Variants in DNAH14 observed in about 807,000 individuals in gnomAD.
DNAH14 encodes the protein axonemal beta dynein heavy chain 14.
In DNAH14, 478 loss-of-function variants were observed where a neutral mutation model predicts 520.9. The observed-to-expected ratio is 0.92, with a 90% CI of 0.85 to 0.99. DNAH14 has a LOEUF of 0.99. DNAH14 is among the 50% of genes least tolerant of loss of function. The pLI is 0.00. For synonymous variants in DNAH14, 1,581 were observed against 1,757.2 expected (o/e 0.90, Z 2.51); for missense variants, 4,831 against 5,234.5 (o/e 0.92, Z 2.38).
At chr1:225,198,901 G>A (rs139153357) in intron 38 of DNAH14, among the ~76,000 whole-genome samples, 343 of 152,200 alleles carry the variant, frequency 2.3e-3, no homozygotes, top group Non-Finnish European at 3.9e-3. Flanking sequence ...GTGGAATAGG[G>A]TAATAAGATA....
At chr1:225,218,475 A>G (rs530435936) in intron 41 of DNAH14, among the ~76,000 whole-genome samples, 1 of 149,294 alleles carries the variant, frequency 6.7e-6, no homozygotes, top group South Asian at 2.2e-4. Context: ...TACCAAGCAA[A>G]TGGAAACCAA....
In DNAH14 at chr1:225,354,198, G is replaced by A. The variant is rs550562533; in HGVS notation, c.11619+310G>A. The A allele has an allele frequency of 5.1e-4, 357 of 701,760 alleles. 1 individual carries two copies. The highest frequency in any genetic ancestry group is 4.6e-3 in the South Asian group (314 of 67,572). 43.5% of individuals were successfully genotyped at this position (701,760 alleles called of 1,614,324 possible). Reference sequence around the variant, plus strand: ...GAACATACTTTCTGCCTGCTTCTCCGTGCCATAAACCATACAGGAACAGAC... The same window carrying A: ...GAACATACTTTCTGCCTGCTTCTCCATGCCATAAACCATACAGGAACAGAC... On this transcript the variant is annotated intron_variant, in intron 73 of 85. Transcript: ENST00000682510.
rs777000620 is a variant in DNAH14, at chr1:225,351,700, TG to T, written c.11352del (p.Trp3784Ter). ...QHLQWLSDSR[W>X]RQCQYVSTHL... ...TCTTCAGTGGCTGTCAGATTCCAGG[TG>T]GAGGCAGTGCCAATATGTCAGCACT... On this transcript the variant is annotated frameshift_variant, in exon 72 of 86. Coordinates refer to ENST00000682510, the MANE Select transcript of DNAH14 (RefSeq NM_001367479.1). LOFTEE classifies it high-confidence loss of function. 96 of 1,550,282 alleles carry T rather than the reference TG, an allele frequency of 6.2e-5. No homozygotes were observed. The highest frequency in any genetic ancestry group is 8.1e-5 in the Non-Finnish European group (93 of 1,145,972).
chr1:225,171,442 C>T (rs1221017991), intron 36 of DNAH14, among the ~76,000 whole-genome samples: 2 of 152,116 alleles, frequency 1.3e-5, no homozygotes, highest in Non-Finnish European at 2.9e-5. Context: ...GGGGATATCA[C>T]CACCGATCCC....
chr1:225,159,945 A>G (rs1172541560), intron 35 of DNAH14, among the ~76,000 whole-genome samples: 1 of 152,128 alleles, frequency 6.6e-6, no homozygotes, highest in Non-Finnish European at 1.5e-5. Flanking sequence ...TCTAGGTAAG[A>G]ACTCAATGTC....
Position 225,318,617 on chromosome 1 carries a change from C to T in DNAH14, c.9275C>T (p.Ala3092Val), listed in dbSNP as rs1386501452. The change falls in exon 61 of 86, where the codon GCC becomes GTC. Residue 3092 changes from alanine to valine, a missense_variant. Transcript: ENST00000682510. ...TANELKSVLPAFDKAIVALNA... is the reference protein window; with the variant it reads ...TANELKSVLPVFDKAIVALNA... ...AATGAACTAAAAAGTGTGCTGCCAGCCTTTGACAAGGCAATTGTGGCTCTG... is the reference window on the plus strand; with the variant it reads ...AATGAACTAAAAAGTGTGCTGCCAGTCTTTGACAAGGCAATTGTGGCTCTG... 6.5e-7 allele frequency: 1 copy of T among 1,548,466 alleles called. No homozygotes were observed. The highest frequency in any genetic ancestry group is 2.0e-5 in the Admixed American group (1 of 50,504).
At chr1:225,251,316 G>A (rs1452573554) in intron 43 of DNAH14, among the ~76,000 whole-genome samples, 3 of 152,008 alleles carry the variant, frequency 2.0e-5, no homozygotes, top group Non-Finnish European at 4.4e-5. Context: ...TGGAATTACA[G>A]GCACCTGTCA....
chr1:224,944,066 T>C (rs1424767161), intron 1 of DNAH14, among the ~76,000 whole-genome samples: 14 of 152,100 alleles, frequency 9.2e-5, no homozygotes, highest in Admixed American at 4.6e-4. Flanking sequence ...CTTTCTGTCT[T>C]GTTGATGTGT....
chr1:225,251,260 G>A (rs534044564), intron 43 of DNAH14, among the ~76,000 whole-genome samples: 7 of 151,058 alleles, frequency 4.6e-5, no homozygotes, highest in Non-Finnish European at 5.9e-5. Context: ...TGCAGCCTCC[G>A]CCTCCCAGGT....
At chr1:225,257,920 T>C (rs2092798866) in intron 44 of DNAH14, 40 bp from the exon 45 acceptor site, 1 of 1,463,974 alleles carries the variant, frequency 6.8e-7, no homozygotes. Context: ...GAATAGTACT[T>C]TCTAGGTCAT....
chr1:225,389,369 C>A (rs1031500891), intron 82 of DNAH14, among the ~76,000 whole-genome samples: 9 of 152,242 alleles, frequency 5.9e-5, no homozygotes, highest in Admixed American at 5.2e-4. Flanking sequence ...GCTTCCTATA[C>A]CATTTAACTA....
chr1:225,087,317 C>T (rs991600840), intron 21 of DNAH14, among the ~76,000 whole-genome samples: 1 of 152,112 alleles, frequency 6.6e-6, no homozygotes, highest in Non-Finnish European at 1.5e-5. Context: ...CTAATCCACC[C>T]CTGTGATCAT....
chr1:225,311,684 C>T (rs921737964), intron 60 of DNAH14, among the ~76,000 whole-genome samples: 1 of 151,898 alleles, frequency 6.6e-6, no homozygotes, highest in East Asian at 1.9e-4. Flanking sequence ...CCAATTTTCC[C>T]AACACTATTA....
At chr1:225,153,658 AT>A in intron 33 of DNAH14, 91 bp from the exon 34 acceptor site, 1 of 842,668 alleles carries the variant, frequency 1.2e-6, no homozygotes, top group Non-Finnish European at 1.8e-6. Context: ...CAGAGCATAG[AT>A]TACCTGTAAT....
Position 225,252,418 on chromosome 1 carries a change from G to A in DNAH14, c.6865+1G>A, listed in dbSNP as rs1558162602. ...AATGATCAGACACTAATTCAAAGAGGTAAGAATAATTATAAGAATCATACT... is the reference window on the plus strand; with the variant it reads ...AATGATCAGACACTAATTCAAAGAGATAAGAATAATTATAAGAATCATACT... On this transcript the variant is annotated splice_donor_variant, in intron 44 of 85. Transcript: ENST00000682510. LOFTEE classifies it high-confidence loss of function. The A allele has an allele frequency of 6.9e-7, 1 of 1,446,854 alleles. No homozygotes were observed. 89.6% of individuals were successfully genotyped at this position (1,446,854 alleles called of 1,614,324 possible). A position where few individuals can be genotyped will look rare whatever the true frequency, so the allele number is the denominator to read the frequency against.
chr1:224,973,454 A>G (rs2061623010), intron 7 of DNAH14, among the ~76,000 whole-genome samples: 1 of 152,218 alleles, frequency 6.6e-6, no homozygotes, highest in Admixed American at 6.5e-5. Context: ...GCATTAGACT[A>G]GTCCCACACG....
chr1:224,939,434 G>A (rs190440653), intron 1 of DNAH14, among the ~76,000 whole-genome samples: 32 of 152,238 alleles, frequency 2.1e-4, no homozygotes, highest in Admixed American at 1.9e-3. Flanking sequence ...ACTTTGGGAT[G>A]CCCAGGTGGG....
chr1:225,196,177 C>A (rs1344667655), intron 38 of DNAH14, among the ~76,000 whole-genome samples: 1 of 151,980 alleles, frequency 6.6e-6, no homozygotes, highest in African/African-American at 2.4e-5. Flanking sequence ...CCTTCCTACC[C>A]ATTCCCCCTG....
chr1:225,388,243 C>A (rs1437919179), intron 81 of DNAH14, 136 bp from the exon 82 acceptor site: 3 of 521,880 alleles, frequency 5.7e-6, no homozygotes, highest in Non-Finnish European at 1.0e-5. Flanking sequence ...TATATGCTTT[C>A]AGTTGGAAAA....
Sources: gnomAD v4.1 joint callset for allele counts (sites outside exome capture counted in the v4.1 genomes callset) on GRCh38, gnomAD v4.1.1 for gene constraint, MANE v1.5 for transcripts, NCBI Gene and HGNC (gene_info 2026-07-23, HGNC 2026-07-21) for gene names.